DLG2: variants seen among roughly 807,000 people sequenced by gnomAD.
The protein encoded by DLG2 is discs large MAGUK scaffold protein 2, also known as disks large homolog 2.
A neutral mutation model predicts 132.5 loss-of-function variants in DLG2; 45 were observed. The observed-to-expected ratio is 0.34, with a 90% CI of 0.27 to 0.44. The LOEUF (loss-of-function observed/expected upper bound fraction) is 0.44, where lower values mean the gene tolerates loss of function less well. DLG2 is among the 20% of genes least tolerant of loss of function. DLG2 has a pLI of 1.00. For missense variants in DLG2, 1,045 were observed against 1,196.9 expected, an observed-to-expected ratio of 0.87 and a Z score of 1.87; for synonymous variants, 424 against 419.6, an observed-to-expected ratio of 1.01 and a Z score of -0.13.
chr11:84,862,521 G>A (rs953789142), intron 6 of DLG2, among the ~76,000 whole-genome samples: 5 of 152,062 alleles, frequency 3.3e-5, no homozygotes, highest in Non-Finnish European at 7.4e-5. Flanking sequence ...ACATGCACAC[G>A]TATGTTTATT....
At chr11:84,946,838 A>T (rs2050268431) in intron 6 of DLG2, among the ~76,000 whole-genome samples, 1 of 152,140 alleles carries the variant, frequency 6.6e-6, no homozygotes, top group South Asian at 2.1e-4. Context: ...ATTTATTTAG[A>T]GCCCCAGAGC....
intron 3 of DLG2, among the ~76,000 whole-genome samples, chr11:85,493,783 G>A (rs368142752): frequency 6.8e-6 from 1 of 146,202 alleles, no homozygotes. Context: ...AGGGAGGGAA[G>A]GAGGGAGGAA....
intron 14 of DLG2, among the ~76,000 whole-genome samples, chr11:83,946,742 C>G (rs1225498343): frequency 6.6e-6 from 1 of 152,072 alleles, no homozygotes; most frequent in Non-Finnish European, 1.5e-5. Context: ...AATACACACA[C>G]GTGCACATAC....
chr11:85,614,369 T>C (rs1315963719), intron 2 of DLG2, among the ~76,000 whole-genome samples: 1 of 151,960 alleles, frequency 6.6e-6, no homozygotes, highest in Non-Finnish European at 1.5e-5. Context: ...CGGCCGGGCA[T>C]GGTGGCTGAC....
chr11:84,529,077 A>C (rs10792764), intron 7 of DLG2, among the ~76,000 whole-genome samples: 106,527 of 151,942 alleles, frequency 0.7, 37,472 homozygotes, highest in East Asian at 0.83. Context: ...TTTCCCCTAG[A>C]AAAATGGTAC....
intron 7 of DLG2, among the ~76,000 whole-genome samples, chr11:84,496,729 C>A (rs2099185350): frequency 6.6e-6 from 1 of 152,066 alleles, no homozygotes; most frequent in African/African-American, 2.4e-5. Flanking sequence ...ATTTCCAAAG[C>A]ATTTTTATTT....
At chr11:85,216,895 T>C (rs1025162076) in intron 4 of DLG2, among the ~76,000 whole-genome samples, 22 of 151,962 alleles carry the variant, frequency 1.4e-4, no homozygotes, top group Non-Finnish European at 2.2e-4. Flanking sequence ...GGGGTTTCAC[T>C]ATCTTGGCCA....
At chr11:83,562,792 C>A (rs2096634292) in intron 19 of DLG2, among the ~76,000 whole-genome samples, 1 of 151,810 alleles carries the variant, frequency 6.6e-6, no homozygotes, top group Non-Finnish European at 1.5e-5. Flanking sequence ...ACTTTTTATT[C>A]TAATTAGAAA....
chr11:83,548,495 G>A (rs941072052), intron 19 of DLG2, among the ~76,000 whole-genome samples: 5 of 152,138 alleles, frequency 3.3e-5, no homozygotes, highest in Non-Finnish European at 7.4e-5. Flanking sequence ...ATAGAGGGCA[G>A]GTAGAAGACA....
At chr11:84,748,047 A>G (rs2065611397) in intron 6 of DLG2, among the ~76,000 whole-genome samples, 1 of 152,192 alleles carries the variant, frequency 6.6e-6, no homozygotes, top group Non-Finnish European at 1.5e-5. Context: ...TTTGTCTGCA[A>G]CCAGTTTCCT....
At chr11:84,952,847 T>C (rs891848748) in intron 6 of DLG2, among the ~76,000 whole-genome samples, 1 of 152,226 alleles carries the variant, frequency 6.6e-6, no homozygotes, top group Non-Finnish European at 1.5e-5. Context: ...TAAAGATGAT[T>C]TTTCCATTTG....
intron 7 of DLG2, among the ~76,000 whole-genome samples, chr11:84,283,969 G>A (rs558972420): frequency 1.1e-4 from 17 of 152,108 alleles, no homozygotes; most frequent in South Asian, 2.1e-4. Flanking sequence ...GTCCAGGCAC[G>A]GTGGCTCATG....
At chr11:85,295,351 G>A (rs2079150710) in intron 3 of DLG2, among the ~76,000 whole-genome samples, 1 of 152,120 alleles carries the variant, frequency 6.6e-6, no homozygotes, top group Non-Finnish European at 1.5e-5. Flanking sequence ...TATTGGTATT[G>A]CTCATTGAAG....
rs1296018128 is a variant in DLG2, at chr11:84,749,665, T to C, written c.358-214934A>G. Among the ~76,000 whole-genome samples, 3 of 152,246 alleles carry C rather than the reference T, an allele frequency of 2.0e-5. No homozygotes were observed. In the East Asian group the frequency reaches 5.8e-4, roughly 29 times the overall value. On this transcript the variant is annotated intron_variant, in intron 6 of 27. Transcript: ENST00000376104. ...ACAGTGAAATTGCCTAATGATGCAT[T>C]TCTCAGAACCTATCCCTCTCGTTAA... is the stretch of plus-strand genomic sequence containing the variant.
intron 19 of DLG2, among the ~76,000 whole-genome samples, chr11:83,560,480 A>G (rs2096592692): frequency 1.4e-5 from 2 of 144,084 alleles, no homozygotes; most frequent in African/African-American, 5.3e-5. Context: ...TTGAGAGTCA[A>G]AGCTAGATTA....
At chr11:85,515,283 GT>G (rs2094149675) in intron 3 of DLG2, among the ~76,000 whole-genome samples, 1 of 151,860 alleles carries the variant, frequency 6.6e-6, no homozygotes, top group Non-Finnish European at 1.5e-5. Context: ...TGGAATATGA[GT>G]TCTCTAACGG....
At chr11:83,679,631 T>G (rs1243786678) in intron 18 of DLG2, among the ~76,000 whole-genome samples, 1 of 152,226 alleles carries the variant, frequency 6.6e-6, no homozygotes, top group Admixed American at 6.5e-5. Flanking sequence ...CTGTTTACCA[T>G]GCCAATTTCT....
chr11:83,857,773 G>A (rs976780759), intron 16 of DLG2, among the ~76,000 whole-genome samples: 2 of 151,032 alleles, frequency 1.3e-5, no homozygotes, highest in African/African-American at 2.4e-5. Flanking sequence ...GGCTATGCAT[G>A]TGTTGGGGCA....
At chr11:83,845,900 T>C (rs908880156) in intron 16 of DLG2, among the ~76,000 whole-genome samples, 2 of 152,180 alleles carry the variant, frequency 1.3e-5, no homozygotes, top group Non-Finnish European at 2.9e-5. Context: ...TGAAGATGAA[T>C]TGAAATAACA....
Sources: allele counts gnomAD v4.1 joint callset (sites outside exome capture counted in the v4.1 genomes callset), GRCh38; gene constraint gnomAD v4.1.1; transcripts MANE v1.5; gene names NCBI Gene and HGNC (gene_info 2026-07-23, HGNC 2026-07-21).